The following FRMPD1 variants were observed in gnomAD, a reference collection of about 807,000 sequenced individuals.
FRMPD1 encodes the protein FERM and PDZ domain-containing protein 1.
FRMPD1 carries 76 observed loss-of-function variants against 117.8 expected under a neutral mutation model. That is an observed-to-expected ratio of 0.65 (90% CI 0.54 to 0.78). The LOEUF (loss-of-function observed/expected upper bound fraction) is 0.78, where lower values mean the gene tolerates loss of function less well. FRMPD1 is among the 30% of genes least tolerant of loss of function. FRMPD1 has a pLI of 0.00. For synonymous variants in FRMPD1, 783 were observed against 770.4 expected (o/e 1.02, Z -0.27); for missense variants, 1,786 against 1,964.5 (o/e 0.91, Z 1.72).
the FRMPD1 span, among the ~76,000 whole-genome samples, chr9:37,644,848 T>C: frequency 6.6e-6 from 1 of 152,124 alleles, no homozygotes; most frequent in African/African-American, 2.4e-5. Flanking sequence ...TTTTACAAAC[T>C]GAAAAGTCTA....
At chr9:37,672,734 A>T (rs1316457088) in intron 1 of FRMPD1, among the ~76,000 whole-genome samples, 18 of 152,146 alleles carry the variant, frequency 1.2e-4, no homozygotes. Flanking sequence ...TTACAGTTCC[A>T]CAGGCTGGGG....
At chr9:37,681,362 G>T (rs1821726443) in intron 1 of FRMPD1, among the ~76,000 whole-genome samples, 1 of 152,184 alleles carries the variant, frequency 6.6e-6, no homozygotes. Flanking sequence ...AGATCCCTGA[G>T]TAGGGAAGAG....
intron 6 of FRMPD1, among the ~76,000 whole-genome samples, chr9:37,722,672 T>C (rs1823448755): frequency 6.6e-6 from 1 of 152,176 alleles, no homozygotes; most frequent in African/African-American, 2.4e-5. Context: ...CTAGCTCAAA[T>C]CTTGGGAACT....
Position 37,746,043 on chromosome 9 carries a change from G to C in FRMPD1, c.4011G>C (p.Gln1337His). 2.5e-6 allele frequency: 4 copies of C among 1,614,236 alleles called. No individual in the cohort carries two copies. The highest frequency in any genetic ancestry group is 3.4e-6 in the Non-Finnish European group (4 of 1,180,034). The change falls in exon 16 of 16, where the codon CAG becomes CAC. Residue 1337 changes from glutamine (Q) to histidine (H), a missense_variant. Physicochemically the swap from Gln to His is conservative, Grantham distance 24 (BLOSUM62 0). Transcript: ENST00000377765. Reference protein sequence around the residue: ...PRIGMDQCSCQFSYATCFRGP... With the variant: ...PRIGMDQCSCHFSYATCFRGP... Reference sequence around the variant, plus strand: ...TAGGGATGGACCAGTGCAGCTGTCAGTTCTCCTATGCCACATGCTTCCGTG... The same window carrying C: ...TAGGGATGGACCAGTGCAGCTGTCACTTCTCCTATGCCACATGCTTCCGTG...
At position 37,746,154 on chromosome 9, in the gene FRMPD1, C is replaced by G. The variant is rs1824702167; in HGVS notation, c.4122C>G (p.Ser1374Arg). 1 of 1,613,808 alleles carries G rather than the reference C, an allele frequency of 6.2e-7. No homozygotes were observed. Among genetic ancestry groups the G allele is most frequent in the East Asian group, 2.2e-5 (1 of 44,900 alleles). Residue 1374 changes from serine (S) to arginine (R), a missense_variant, in exon 16 of 16, where the codon AGC becomes AGG. Physicochemically the swap from Ser to Arg is moderately radical, Grantham distance 110. Transcript: ENST00000377765. ...TCACCTCACCGCCCTCTGCGGGAAG[C>G]CCGGTGGTTCTGCCCTGGAGGCCTG... ...APLTSPPSAG[S>R]PVVLPWRPAR...
At chr9:37,637,920 A>G in the FRMPD1 span, among the ~76,000 whole-genome samples, 1 of 144,826 alleles carries the variant, frequency 6.9e-6, no homozygotes, top group Non-Finnish European at 1.5e-5. Context: ...AACCCACAAC[A>G]ACGGTGGGAT....
chr9:37,699,019 G>A (rs541783156), intron 2 of FRMPD1, among the ~76,000 whole-genome samples: 3 of 151,854 alleles, frequency 2.0e-5, no homozygotes, highest in South Asian at 4.2e-4. Flanking sequence ...GATTACAGGT[G>A]TGAGCCACCA....
At chr9:37,674,137 C>A (rs983595348) in intron 1 of FRMPD1, among the ~76,000 whole-genome samples, 9 of 152,164 alleles carry the variant, frequency 5.9e-5, no homozygotes, top group Non-Finnish European at 8.8e-5. Context: ...CCTTTTAAAA[C>A]GGAATGCCTT....
At position 37,679,159 on chromosome 9, in the gene FRMPD1, A is replaced by G. The variant is rs991113367; in HGVS notation, c.-4-13479A>G. Among the ~76,000 whole-genome samples, 5 of 152,366 alleles carry G rather than the reference A, an allele frequency of 3.3e-5. No individual in the cohort carries two copies. In the East Asian group the frequency reaches 7.7e-4, roughly 24 times the overall value. ...TCCCCACAGACATTGGCATAGGGCC[A>G]GATGTTTGTTGGGTGACAAACATCT... is the stretch of plus-strand genomic sequence containing the variant. On this transcript the variant is annotated intron_variant, in intron 1 of 15. Transcript: ENST00000377765.
chr9:37,669,498 C>T (rs1432750918), intron 1 of FRMPD1, among the ~76,000 whole-genome samples: 1 of 152,188 alleles, frequency 6.6e-6, no homozygotes, highest in East Asian at 1.9e-4. Context: ...TGGCTTAAGT[C>T]ATCCTCTCCA....
At chr9:37,717,080 C>T (rs1247481817) in intron 5 of FRMPD1, among the ~76,000 whole-genome samples, 2 of 152,016 alleles carry the variant, frequency 1.3e-5, no homozygotes, top group Admixed American at 1.3e-4. Flanking sequence ...TGGCCTTTTC[C>T]ACAGGGGGAT....
chr9:37,693,654 C>T (rs926498258), intron 2 of FRMPD1, among the ~76,000 whole-genome samples: 5 of 152,228 alleles, frequency 3.3e-5, no homozygotes, highest in Admixed American at 3.3e-4. Flanking sequence ...TAGGAGGAAG[C>T]TTAAACATTT....
chr9:37,746,259 A>T lies in FRMPD1; in HGVS notation c.4227A>T (p.Arg1409Ser). Residue 1409 changes from arginine (R) to serine (S), a missense_variant, in exon 16 of 16, where the codon AGA becomes AGT. Transcript: ENST00000377765. ...IWPEYCSRAL[R>S]QLKATPASTP... ...CAGAGTACTGCTCCAGGGCACTGAGACAGCTGAAAGCCACCCCTGCCAGCA... is the reference window on the plus strand; with the variant it reads ...CAGAGTACTGCTCCAGGGCACTGAGTCAGCTGAAAGCCACCCCTGCCAGCA... 1.2e-6 allele frequency: 2 copies of T among 1,612,848 alleles called. No individual in the cohort carries two copies. Among genetic ancestry groups the T allele is most frequent in the Non-Finnish European group, 1.7e-6 (2 of 1,179,862 alleles).
intron 1 of FRMPD1, among the ~76,000 whole-genome samples, chr9:37,685,594 G>A (rs1346807005): frequency 6.6e-6 from 1 of 152,102 alleles, no homozygotes; most frequent in Non-Finnish European, 1.5e-5. Context: ...GGAGATTGCG[G>A]TGAGCCGAGA....
chr9:37,647,638 CA>C (rs1297153675), upstream of FRMPD1, among the ~76,000 whole-genome samples: 3 of 151,784 alleles, frequency 2.0e-5, no homozygotes, highest in African/African-American at 7.3e-5. Context: ...TATAGGAAGG[CA>C]AAAATAAATA....
At chr9:37,643,162 T>C in the FRMPD1 span, among the ~76,000 whole-genome samples, 18 of 152,290 alleles carry the variant, frequency 1.2e-4, no homozygotes, top group Non-Finnish European at 1.2e-4. Context: ...GAAATTAGAG[T>C]CTTTTTTACC....
chr9:37,693,220 T>C (rs1400231034), intron 2 of FRMPD1: 2 of 155,522 alleles, frequency 1.3e-5, no homozygotes, highest in African/African-American at 4.8e-5. Flanking sequence ...TCTTTCTGTG[T>C]CTTCGTTTCC....
intron 1 of FRMPD1, among the ~76,000 whole-genome samples, chr9:37,679,182 T>C (rs1235854683): frequency 6.6e-6 from 1 of 152,224 alleles, no homozygotes; most frequent in African/African-American, 2.4e-5. Context: ...GTGACAAACA[T>C]CTTTTGAGAG....
In FRMPD1 at chr9:37,734,929, T is replaced by G. The variant is rs531422470; in HGVS notation, c.1219-623T>G. On this transcript the variant is annotated intron_variant, in intron 12 of 15. Transcript: ENST00000377765. ...CCAGTCCCCAGTCTCCCTTTACCTT[T>G]CTTGTCTAAGGAAAGAACTGGTAGT... Among the ~76,000 whole-genome samples the G allele has an allele frequency of 1.0e-3, 153 of 152,326 alleles. 6 individuals carry two copies. The South Asian group carries it at 0.031, about 31-fold the overall frequency.
Sources: allele counts gnomAD v4.1 joint callset (sites outside exome capture counted in the v4.1 genomes callset), GRCh38; gene constraint gnomAD v4.1.1; transcripts MANE v1.5; gene names NCBI Gene and HGNC (gene_info 2026-07-23, HGNC 2026-07-21).